ENTREP2: variants seen among roughly 807,000 people sequenced by gnomAD.
ENTREP2 encodes the protein endosomal transmembrane epsin interactor 2, also known as protein ENTREP2.
the ENTREP2 span, among the ~76,000 whole-genome samples, chr15:29,523,720 G>A: frequency 2.0e-5 from 3 of 151,924 alleles, no homozygotes; most frequent in African/African-American, 7.3e-5. Flanking sequence ...CAAAGCTACT[G>A]TAATAAGCCC....
chr15:29,311,989 A>G, the ENTREP2 span, among the ~76,000 whole-genome samples: 184 of 152,352 alleles, frequency 1.2e-3, no homozygotes, highest in Non-Finnish European at 2.0e-3. Context: ...ATGTGAAAAA[A>G]TCAGCATTCA....
the ENTREP2 span, among the ~76,000 whole-genome samples, chr15:29,417,005 G>T: frequency 1.3e-5 from 2 of 152,190 alleles, no homozygotes; most frequent in African/African-American, 4.8e-5. Context: ...ACAGGTGCTG[G>T]AGAGGGTGTG....
At chr15:29,563,417 C>T in the ENTREP2 span, among the ~76,000 whole-genome samples, 2 of 152,138 alleles carry the variant, frequency 1.3e-5, no homozygotes, top group Non-Finnish European at 2.9e-5. Flanking sequence ...TATTTGCTCC[C>T]ATGTTCCTTC....
the ENTREP2 span, among the ~76,000 whole-genome samples, chr15:29,192,092 A>G: frequency 6.6e-6 from 1 of 152,194 alleles, no homozygotes; most frequent in African/African-American, 2.4e-5. Context: ...TCTGACTTGA[A>G]AGTGGTACAT....
the ENTREP2 span, among the ~76,000 whole-genome samples, chr15:29,208,135 T>C: frequency 6.6e-6 from 1 of 150,772 alleles, no homozygotes; most frequent in Non-Finnish European, 1.5e-5. Flanking sequence ...ACCATTTCCC[T>C]CTTTTGCTTT....
the ENTREP2 span, among the ~76,000 whole-genome samples, chr15:29,146,161 C>T: frequency 2.2e-4 from 34 of 152,140 alleles, no homozygotes; most frequent in Non-Finnish European, 2.9e-4. Flanking sequence ...TAAAGAACAT[C>T]TAAATGAATG....
the ENTREP2 span, among the ~76,000 whole-genome samples, chr15:29,465,624 C>CCTGACT: frequency 6.6e-6 from 1 of 152,340 alleles, no homozygotes; most frequent in African/African-American, 2.4e-5. Context: ...CTAAAGGCTT[C>CCTGACT]CTGACTCTGA....
chr15:29,589,940 A>C, the ENTREP2 span, among the ~76,000 whole-genome samples: 1 of 152,136 alleles, frequency 6.6e-6, no homozygotes, highest in Non-Finnish European at 1.5e-5. Flanking sequence ...TGAACTTTGA[A>C]ATGCACTCTC....
chr15:29,668,333 G>C, the ENTREP2 span, among the ~76,000 whole-genome samples: 1 of 152,140 alleles, frequency 6.6e-6, no homozygotes, highest in Non-Finnish European at 1.5e-5. Flanking sequence ...AGCAGATGGC[G>C]CCACTTCGGA....
the ENTREP2 span, among the ~76,000 whole-genome samples, chr15:29,387,434 G>C: frequency 6.6e-6 from 1 of 152,068 alleles, no homozygotes; most frequent in East Asian, 1.9e-4. Flanking sequence ...ACCTCTTCAA[G>C]GACAACTACA....
the ENTREP2 span, among the ~76,000 whole-genome samples, chr15:29,219,614 AATATATATATAT>A: frequency 0.015 from 585 of 38,322 alleles, 12 homozygotes; most frequent in Admixed American, 0.026. Flanking sequence ...GTGGTGCATA[AATATATATATAT>A]ATATATATAT....
chr15:29,194,761 G>A, the ENTREP2 span, among the ~76,000 whole-genome samples: 1 of 152,158 alleles, frequency 6.6e-6, no homozygotes, highest in Non-Finnish European at 1.5e-5. Context: ...CACAGTCACT[G>A]CTGCAGGGGC....
chr15:29,257,031 G>C, the ENTREP2 span, among the ~76,000 whole-genome samples: 5 of 150,502 alleles, frequency 3.3e-5, no homozygotes, highest in African/African-American at 1.2e-4. Flanking sequence ...ATGAATCACA[G>C]TTTATTTTTT....
At chr15:29,277,940 G>A in the ENTREP2 span, among the ~76,000 whole-genome samples, 12 of 152,228 alleles carry the variant, frequency 7.9e-5, no homozygotes, top group East Asian at 2.3e-3. Context: ...AACTGAACAC[G>A]TTGAAATGGA....
chr15:29,352,580 G>A, the ENTREP2 span, among the ~76,000 whole-genome samples: 1 of 152,106 alleles, frequency 6.6e-6, no homozygotes, highest in Non-Finnish European at 1.5e-5. Context: ...CCTGTCTGAT[G>A]TGCATCACCA....
chr15:29,623,646 A>G, the ENTREP2 span, among the ~76,000 whole-genome samples: 1 of 152,192 alleles, frequency 6.6e-6, no homozygotes, highest in Non-Finnish European at 1.5e-5. Flanking sequence ...AGGACACCAC[A>G]ATGTCAGAAG....
chr15:29,633,156 T>A, the ENTREP2 span, among the ~76,000 whole-genome samples: 5 of 152,318 alleles, frequency 3.3e-5, no homozygotes, highest in East Asian at 9.7e-4. Context: ...GCCTTCAGTG[T>A]GCCCCAGGAT....
the ENTREP2 span, among the ~76,000 whole-genome samples, chr15:29,656,057 C>T: frequency 2.0e-5 from 3 of 149,622 alleles, no homozygotes; most frequent in Admixed American, 2.0e-4. Context: ...CTATGTAGGC[C>T]ACAGGCATAA....
chr15:29,571,398 G>A, the ENTREP2 span, among the ~76,000 whole-genome samples: 1 of 152,176 alleles, frequency 6.6e-6, no homozygotes, highest in Admixed American at 6.5e-5. Context: ...GAGACGGGCT[G>A]GGAGCAGACA....
Sources: gnomAD v4.1 joint callset for allele counts (sites outside exome capture counted in the v4.1 genomes callset) on GRCh38, gnomAD v4.1.1 for gene constraint, MANE v1.5 for transcripts, NCBI Gene and HGNC (gene_info 2026-07-23, HGNC 2026-07-21) for gene names.